ACIN1: variants seen among roughly 807,000 people sequenced by gnomAD.
ACIN1 encodes apoptotic chromatin condensation inducer in the nucleus.
Under a neutral mutation model 146.6 loss-of-function variants are expected in ACIN1, and 16 were observed. That is an observed-to-expected ratio of 0.11 (90% CI 0.07 to 0.17). The LOEUF is 0.17. ACIN1 is among the 10% of genes least tolerant of loss of function. The pLI, the probability that ACIN1 is intolerant of heterozygous loss-of-function variation, is 1.00. For missense variants in ACIN1, 1,357 were observed against 1,609.3 expected (o/e 0.84, Z 2.68); for synonymous variants, 569 against 582.7 (o/e 0.98, Z 0.34).
intron 4 of ACIN1, among the ~76,000 whole-genome samples, chr14:23,083,145 A>T (rs2047994276): frequency 1.3e-5 from 2 of 152,118 alleles, no homozygotes; most frequent in South Asian, 2.1e-4. Context: ...AAACGGAAAG[A>T]AAGTTTCACT....
intron 4 of ACIN1, among the ~76,000 whole-genome samples, chr14:23,089,668 C>T (rs536202848): frequency 5.9e-5 from 9 of 152,216 alleles, no homozygotes; most frequent in South Asian, 2.1e-4. Flanking sequence ...TGTGTTAACA[C>T]GTAATATACA....
chr14:23,062,469 A>C lies in ACIN1; in HGVS notation c.2938T>G (p.Leu980Val). 1.2e-6 allele frequency: 2 copies of C among 1,614,198 alleles called. No homozygotes were observed. Among genetic ancestry groups the C allele is most frequent in the Non-Finnish European group, 1.7e-6 (2 of 1,180,028 alleles). The part of the protein sequence containing the change: ...LKELLGRTGT[L>V]VEEAFWIDKI... ...TCAATCCAGAAGGCCTCTTCCACCA[A>C]GGTTCCTGTGCGCCCCAACAACTCC... is the stretch of plus-strand genomic sequence containing the variant. Residue 980 changes from leucine to valine, a missense_variant, in exon 15 of 19, where the codon TTG becomes GTG. Physicochemically the swap from Leu to Val is conservative, Grantham distance 32. This residue lies in a region of ACIN1 where 509 missense variants were observed against 719.6 expected (regional missense o/e 0.71). Transcript: ENST00000605057.
At chr14:23,085,110 G>A (rs1230929066) in intron 4 of ACIN1, among the ~76,000 whole-genome samples, 3 of 152,006 alleles carry the variant, frequency 2.0e-5, no homozygotes, top group African/African-American at 4.8e-5. Flanking sequence ...TTGGGAGGCC[G>A]AGGTGGGCGA....
At chr14:23,063,283 C>T (rs2047345716) in intron 13 of ACIN1, 153 bp downstream of exon 13, 13 of 1,189,136 alleles carry the variant, frequency 1.1e-5, no homozygotes, top group Non-Finnish European at 1.5e-5. Context: ...AAATCTGGCC[C>T]TCAAGTAGCT....
Position 23,068,689 on chromosome 14 carries a change from G to A in ACIN1, c.2265+787C>T, listed in dbSNP as rs1242371542. On this transcript the variant is annotated intron_variant, in intron 9 of 18. Coordinates refer to ENST00000605057, the MANE Select transcript of ACIN1 (RefSeq NM_001386863.1). This position sits in a 1 kb window ranked among gnomAD's most constrained non-coding sequence, Gnocchi z 4.3. ...ATGAGGTACTTGGACAAAGTTTTAC[G>A]GGGAAGAAGGACCTTGTAATAAATA... 4 of 985,650 alleles carry A rather than the reference G, an allele frequency of 4.1e-6. No individual in the cohort carries two copies. Among genetic ancestry groups the A allele is most frequent in the East Asian group, 1.1e-4 (1 of 8,826 alleles). The allele number at this position is 985,650 out of a possible 1,614,324, so 61.1% of individuals were successfully genotyped here.
At chr14:23,075,709 AT>A (rs763083144) in intron 8 of ACIN1, among the ~76,000 whole-genome samples, 5,386 of 144,632 alleles carry the variant, frequency 0.037, 205 homozygotes, top group African/African-American at 0.099. Flanking sequence ...GGTCTTTTCC[AT>A]TTTTTTTTTT....
At chr14:23,072,127 G>A (rs143792225) in intron 8 of ACIN1, among the ~76,000 whole-genome samples, 29 of 152,238 alleles carry the variant, frequency 1.9e-4, no homozygotes, top group Non-Finnish European at 2.6e-4. Flanking sequence ...TGCTCACCCC[G>A]GCAATGACCA....
rs2047176546 is a variant in ACIN1 at position 23,058,837 on chromosome 14, G to A, written c.*311C>T. ...ACCCAGGGAGGTGGTAAGCAGGATG[G>A]AGGAAAAATCAGAGGACTGGGGCAC... On this transcript the variant is annotated 3_prime_UTR_variant, in exon 19 of 19. Transcript: ENST00000605057. The A allele has an allele frequency of 4.8e-6, 2 of 418,772 alleles. No individual in the cohort carries two copies. The highest frequency in any genetic ancestry group is 3.6e-5 in the South Asian group (1 of 27,462). The allele number at this position is 418,772 out of a possible 1,614,324, so 25.9% of individuals were successfully genotyped here. A position where few individuals can be genotyped will look rare whatever the true frequency, so the allele number is the denominator to read the frequency against.
chr14:23,075,766 G>A (rs1247798736), intron 8 of ACIN1, among the ~76,000 whole-genome samples: 4 of 151,336 alleles, frequency 2.6e-5, no homozygotes, highest in East Asian at 1.9e-4. Flanking sequence ...GTGCAATGGC[G>A]TGATCTCAGC....
chr14:23,071,969 G>C (rs1487993068), intron 8 of ACIN1, among the ~76,000 whole-genome samples: 2 of 152,350 alleles, frequency 1.3e-5, no homozygotes, highest in African/African-American at 2.4e-5. Flanking sequence ...GCTGGATAGA[G>C]GGTGGGGCAT....
intron 4 of ACIN1, among the ~76,000 whole-genome samples, chr14:23,089,747 A>G (rs999178396): frequency 6.6e-6 from 1 of 152,092 alleles, no homozygotes; most frequent in Admixed American, 6.5e-5. Context: ...GAAGAGGTAC[A>G]GATGAGAAGA....
intron 8 of ACIN1, among the ~76,000 whole-genome samples, chr14:23,073,693 A>G (rs2047724272): frequency 6.6e-6 from 1 of 152,130 alleles, no homozygotes; most frequent in African/African-American, 2.4e-5. Flanking sequence ...TAGAATCCCC[A>G]CAAACAATGT....
intron 5 of ACIN1, 41 bp downstream of exon 5, chr14:23,081,706 GC>G (rs1303538605): frequency 6.8e-7 from 1 of 1,477,538 alleles, no homozygotes; most frequent in Non-Finnish European, 9.3e-7. Flanking sequence ...GATATCCAAA[GC>G]ATTACTGAAG....
Position 23,064,591 on chromosome 14 carries a change from G to T in ACIN1, c.2309-103C>A, listed in dbSNP as rs114806821. On this transcript the variant is annotated intron_variant, in intron 10 of 18. Transcript: ENST00000605057. Reference sequence around the variant, plus strand: ...CCTCTGGCTGGAGTTTTGGTAAAAGGTTAACTTAAAGAAATCATATTTGGA... The same window carrying T: ...CCTCTGGCTGGAGTTTTGGTAAAAGTTTAACTTAAAGAAATCATATTTGGA... 6.0e-4 allele frequency: 887 copies of T among 1,474,310 alleles called. 6 individuals carry two copies. The African/African-American group carries it at 0.011, about 18-fold the overall frequency. The allele number at this position is 1,474,310 out of a possible 1,614,324, so 91.3% of individuals were successfully genotyped here. A position where few individuals can be genotyped will look rare whatever the true frequency, so the allele number is the denominator to read the frequency against.
At chr14:23,094,507 G>A (rs1367603864) in intron 1 of ACIN1, 1 of 984,682 alleles carries the variant, frequency 1.0e-6, no homozygotes, top group Non-Finnish European at 1.2e-6. Flanking sequence ...TCATCTAATC[G>A]AGCAGACATT....
At chr14:23,094,565 C>T (rs1453243363) in intron 1 of ACIN1, 2 of 984,144 alleles carry the variant, frequency 2.0e-6, no homozygotes, top group African/African-American at 1.7e-5. Context: ...CCAACCCCAT[C>T]CACCCCTTCG....
At chr14:23,071,080 T>A in intron 8 of ACIN1, 1 of 1,531,396 alleles carries the variant, frequency 6.5e-7, no homozygotes, top group Non-Finnish European at 8.8e-7. Flanking sequence ...CGAAGGGAGC[T>A]AGGGCGGCGG....
intron 4 of ACIN1, among the ~76,000 whole-genome samples, chr14:23,085,705 G>A (rs1288365010): frequency 6.6e-6 from 1 of 152,214 alleles, no homozygotes; most frequent in Non-Finnish European, 1.5e-5. Context: ...CTTGGAAAGA[G>A]CTGATGTGAT....
In ACIN1 at chr14:23,062,234, C is replaced by A. The variant is rs1380868830; in HGVS notation, c.3033G>T (p.Leu1011=). 1 of 1,614,098 alleles carries A rather than the reference C, an allele frequency of 6.2e-7. No individual in the cohort carries two copies. The highest frequency in any genetic ancestry group is 1.3e-5 in the African/African-American group (1 of 74,990). The change falls in exon 16 of 19, where the codon CTG becomes CTT. Residue 1011 remains leucine (L), a synonymous_variant. Coordinates refer to ENST00000605057, the MANE Select transcript of ACIN1 (RefSeq NM_001386863.1). ...TGGACTGGGGCCATTTGACCCCGTG[C>A]AGAGCTGTGCGGGTGGCAACAGCTT... The part of the protein sequence containing the change: ...VEEAVATRTA[L]HGVKWPQSNP...
Sources: allele counts gnomAD v4.1 joint callset (sites outside exome capture counted in the v4.1 genomes callset), GRCh38; gene constraint gnomAD v4.1.1; regional missense constraint gnomAD v4.1.1; non-coding constraint Gnocchi (gnomAD v3.1); transcripts MANE v1.5; gene names NCBI Gene and HGNC (gene_info 2026-07-23, HGNC 2026-07-21).